The following PPP1R13B variants were observed in gnomAD, a reference collection of about 807,000 sequenced individuals.
PPP1R13B encodes protein phosphatase 1 regulatory subunit 13B.
A neutral mutation model predicts 119.8 loss-of-function variants in PPP1R13B; 44 were observed. That is an observed-to-expected ratio of 0.37 (90% CI 0.29 to 0.47). The LOEUF is 0.47. PPP1R13B is among the 20% of genes least tolerant of loss of function. PPP1R13B has a pLI of 0.99. For synonymous variants in PPP1R13B, 542 were observed against 561.5 expected (o/e 0.97, Z 0.49); for missense variants, 1,227 against 1,413.5 (o/e 0.87, Z 2.12).
chr14:103,829,435 T>A (rs1404819749), intron 1 of PPP1R13B, among the ~76,000 whole-genome samples: 2 of 152,238 alleles, frequency 1.3e-5, no homozygotes, highest in African/African-American at 4.8e-5. Flanking sequence ...AATTTTTTTT[T>A]AATACAGACA....
At chr14:103,789,305 G>A (rs562037819) in intron 2 of PPP1R13B, among the ~76,000 whole-genome samples, 4 of 152,008 alleles carry the variant, frequency 2.6e-5, no homozygotes, top group Non-Finnish European at 4.4e-5. Context: ...TGCAACCTCC[G>A]CCTCCCGGGT....
At chr14:103,781,395 C>A (rs1275381389) in intron 3 of PPP1R13B, among the ~76,000 whole-genome samples, 1 of 152,108 alleles carries the variant, frequency 6.6e-6, no homozygotes, top group East Asian at 1.9e-4. Context: ...GCCTTGGTGT[C>A]CTGGCTCCAG....
At chr14:103,744,495 T>C (rs2084341552) in intron 9 of PPP1R13B, among the ~76,000 whole-genome samples, 1 of 152,224 alleles carries the variant, frequency 6.6e-6, no homozygotes, top group African/African-American at 2.4e-5. Flanking sequence ...GTGTGGCATC[T>C]TTTTCAAATC....
At chr14:103,737,021 A>C (rs1275205488) in intron 15 of PPP1R13B, 2 of 152,330 alleles carry the variant, frequency 1.3e-5, no homozygotes, top group Admixed American at 6.5e-5. Flanking sequence ...TCATTCATCA[A>C]ATGTTTCCGG....
At chr14:103,756,559 C>G (rs2084682209) in intron 5 of PPP1R13B, among the ~76,000 whole-genome samples, 1 of 152,252 alleles carries the variant, frequency 6.6e-6, no homozygotes, top group East Asian at 1.9e-4. Flanking sequence ...ATACTCCGCA[C>G]TGTAATAAAC....
rs774034016 is a variant in PPP1R13B at position 103,746,500 on chromosome 14, G to C, written c.1023C>G (p.Gly341=). Residue 341 remains glycine (G), a synonymous_variant, in exon 9 of 17, where the codon GGC becomes GGG. Coordinates refer to ENST00000202556, the MANE Select transcript of PPP1R13B (RefSeq NM_015316.3). ...TATAAGGCCCCACAGCAGCGACCCT[G>C]CCCGATGTGCTCAGAGGGGACTGTG... ...SSPQSPLSTS[G]RVAAVGPYIQ... 1 of 1,613,920 alleles carries C rather than the reference G, an allele frequency of 6.2e-7. No homozygotes were observed. Among genetic ancestry groups the C allele is most frequent in the Non-Finnish European group, 8.5e-7 (1 of 1,179,818 alleles).
In PPP1R13B at chr14:103,781,979, C is replaced by G. The variant is rs887826915; in HGVS notation, c.277+2816G>C. 3.9e-5 allele frequency among the ~76,000 whole-genome samples: 6 copies of G among 151,900 alleles called. No homozygotes were observed. The East Asian group carries it at 1.2e-3, about 29-fold the overall frequency. On this transcript the variant is annotated intron_variant, in intron 3 of 16. Transcript: ENST00000202556. ...AGGTCTTTTAACTGTACAGTGTATA[C>G]GTGTTCAAAAAAATTTCCTTATTTT... is the stretch of plus-strand genomic sequence containing the variant.
rs780559740 is a variant in PPP1R13B at position 103,737,683 on chromosome 14, C to T, written c.3031+11G>A. 1.2e-6 allele frequency: 2 copies of T among 1,613,172 alleles called. No individual in the cohort carries two copies. Among genetic ancestry groups the T allele is most frequent in the Non-Finnish European group, 1.7e-6 (2 of 1,179,356 alleles). On this transcript the variant is annotated intron_variant, in intron 15 of 16. Transcript: ENST00000202556. Reference sequence around the variant, plus strand: ...ACAGCACCACTGTGGCCCCAGGCCTCCCCTGCGTACCATATAGAAACTGGG... The same window carrying T: ...ACAGCACCACTGTGGCCCCAGGCCTTCCCTGCGTACCATATAGAAACTGGG...
At chr14:103,773,637 A>G (rs761540722) in intron 4 of PPP1R13B, among the ~76,000 whole-genome samples, 1 of 152,234 alleles carries the variant, frequency 6.6e-6, no homozygotes, top group Non-Finnish European at 1.5e-5. Flanking sequence ...ACAAACCTCA[A>G]GCCAGAAGGA....
chr14:103,761,273 TTAAAAAAAA>T (rs1249579007), intron 4 of PPP1R13B, among the ~76,000 whole-genome samples: 1 of 87,244 alleles, frequency 1.1e-5, no homozygotes, highest in African/African-American at 5.5e-5. Flanking sequence ...GACCCTATAT[TTAAAAAAAA>T]AAAAAAAAAA....
chr14:103,823,797 C>A (rs1284627596), intron 1 of PPP1R13B, among the ~76,000 whole-genome samples: 1 of 151,794 alleles, frequency 6.6e-6, no homozygotes, highest in Non-Finnish European at 1.5e-5. Flanking sequence ...TTTAAAGTAT[C>A]TTTCTTATTT....
At chr14:103,840,515 G>T (rs1038299683) in intron 1 of PPP1R13B, among the ~76,000 whole-genome samples, 1 of 152,114 alleles carries the variant, frequency 6.6e-6, no homozygotes, top group African/African-American at 2.4e-5. Flanking sequence ...TTGGCAGGGC[G>T]CAGTGGCTCA....
chr14:103,778,647 C>A, intron 4 of PPP1R13B, 98 bp downstream of exon 4: 1 of 907,270 alleles, frequency 1.1e-6, no homozygotes. Flanking sequence ...CTCATGTGAT[C>A]CTCCCACCTT....
At chr14:103,820,183 T>C (rs1260456464) in intron 1 of PPP1R13B, among the ~76,000 whole-genome samples, 1 of 152,146 alleles carries the variant, frequency 6.6e-6, no homozygotes, top group Non-Finnish European at 1.5e-5. Context: ...AATCATCCTA[T>C]TACGGACAAC....
Position 103,734,740 on chromosome 14 carries a change from C to G in PPP1R13B, c.*414G>C. On this transcript the variant is annotated 3_prime_UTR_variant, in exon 17 of 17. Coordinates refer to ENST00000202556, the MANE Select transcript of PPP1R13B (RefSeq NM_015316.3). ...GAGTGTCCGATTCGGTGACGGGGGG[C>G]AGGGCGGTCGCAGGGGAGCAGGCCT... is the stretch of plus-strand genomic sequence containing the variant. 1 of 462,056 alleles carries G rather than the reference C, an allele frequency of 2.2e-6. No homozygotes were observed. Among genetic ancestry groups the G allele is most frequent in the Non-Finnish European group, 4.3e-6 (1 of 230,572 alleles). The allele number at this position is 462,056 out of a possible 1,614,324, so 28.6% of individuals were successfully genotyped here.
chr14:103,746,491 A>G lies in PPP1R13B; in HGVS notation c.1032T>C (p.Ala344=). 6.2e-7 allele frequency: 1 copy of G among 1,614,086 alleles called. No homozygotes were observed. Among genetic ancestry groups the G allele is most frequent in the Non-Finnish European group, 8.5e-7 (1 of 1,179,930 alleles). Residue 344 remains alanine (A), a synonymous_variant, in exon 9 of 17, where the codon GCT becomes GCC. Coordinates refer to ENST00000202556, the MANE Select transcript of PPP1R13B (RefSeq NM_015316.3). ...GAACCTGGATATAAGGCCCCACAGC[A>G]GCGACCCTGCCCGATGTGCTCAGAG... is the stretch of plus-strand genomic sequence containing the variant. ...QSPLSTSGRV[A]AVGPYIQVPS...
chr14:103,842,089 T>C (rs1172970929), intron 1 of PPP1R13B, among the ~76,000 whole-genome samples: 2 of 152,194 alleles, frequency 1.3e-5, no homozygotes, highest in African/African-American at 4.8e-5. Context: ...TGCTTCTACA[T>C]AGTTGGGAAG....
At chr14:103,793,668 A>G (rs1438784518) in intron 2 of PPP1R13B, among the ~76,000 whole-genome samples, 4 of 151,948 alleles carry the variant, frequency 2.6e-5, no homozygotes, top group South Asian at 2.1e-4. Context: ...GAAATCTATT[A>G]TAAGACTTTT....
Position 103,742,917 on chromosome 14 carries a change from G to A in PPP1R13B, c.1151-94C>T. The A allele has an allele frequency of 2.2e-6, 3 of 1,395,350 alleles. No homozygotes were observed. Among genetic ancestry groups the A allele is most frequent in the South Asian group, 1.3e-5 (1 of 77,718 alleles). The allele number at this position is 1,395,350 out of a possible 1,614,324, so 86.4% of individuals were successfully genotyped here. On this transcript the variant is annotated intron_variant, in intron 9 of 16. Coordinates refer to ENST00000202556, the MANE Select transcript of PPP1R13B (RefSeq NM_015316.3). This position sits in a 1 kb window ranked among gnomAD's most constrained non-coding sequence, Gnocchi z 4.9. ...CTGCCAGAAACAAAAACAGCACTGG[G>A]ACATCCCATTCTGATGCAGATCCAT...
Sources: gnomAD v4.1 joint callset for allele counts (sites outside exome capture counted in the v4.1 genomes callset) on GRCh38, gnomAD v4.1.1 for gene constraint, Gnocchi (gnomAD v3.1) non-coding constraint, MANE v1.5 for transcripts, NCBI Gene and HGNC (gene_info 2026-07-23, HGNC 2026-07-21) for gene names.